Variants in NPTXR observed in about 807,000 individuals in gnomAD.
NPTXR encodes the protein neuronal pentraxin receptor.
Under a neutral mutation model 32.2 loss-of-function variants are expected in NPTXR, and 12 were observed. That is an observed-to-expected ratio of 0.37 (90% CI 0.24 to 0.60). The LOEUF (loss-of-function observed/expected upper bound fraction) is 0.60. Ranked by LOEUF, NPTXR falls within the 20% of genes least tolerant of loss-of-function variation. The pLI, the probability that NPTXR is intolerant of heterozygous loss-of-function variation, is 0.66. For synonymous variants in NPTXR, 323 were observed against 315.8 expected (o/e 1.02, Z -0.24); for missense variants, 612 against 682.9 (o/e 0.90, Z 1.16).
intron 1 of NPTXR, among the ~76,000 whole-genome samples, chr22:38,837,420 G>T (rs1254161924): frequency 1.3e-5 from 2 of 152,352 alleles, no homozygotes; most frequent in East Asian, 3.8e-4. Flanking sequence ...CTGCCAAACA[G>T]GCAGGGTCAG....
At position 38,819,164 on chromosome 22, in the gene NPTXR, G is replaced by A. The variant is rs2093092604; in HGVS notation, c.*3445C>T. 6.6e-6 allele frequency: 1 copy of A among 152,280 alleles called. No individual in the cohort carries two copies. Among genetic ancestry groups the A allele is most frequent in the Non-Finnish European group, 1.5e-5 (1 of 68,064 alleles). The allele number at this position is 152,280 out of a possible 1,614,324, so 9.4% of individuals were successfully genotyped here. Reference sequence around the variant, plus strand: ...GGAAGATCTGGCAGATAACAGCTGGGAAGCAACTGGTGCAGGGCTTGGCCC... The same window carrying A: ...GGAAGATCTGGCAGATAACAGCTGGAAAGCAACTGGTGCAGGGCTTGGCCC... On this transcript the variant is annotated 3_prime_UTR_variant, in exon 5 of 5. Coordinates refer to ENST00000333039, the MANE Select transcript of NPTXR (RefSeq NM_014293.4).
chr22:38,833,937 C>T (rs1961935), intron 1 of NPTXR, among the ~76,000 whole-genome samples: 102,499 of 152,080 alleles, frequency 0.67, 35,732 homozygotes, highest in East Asian at 0.85. Flanking sequence ...TGATTGGAAA[C>T]GTTTGGTTCT....
Position 38,833,591 on chromosome 22 carries a change from G to A in NPTXR, c.625-5079C>T, listed in dbSNP as rs189078512. Reference sequence around the variant, plus strand: ...TTGACTGAGTTCATAGACAGAAAGCGCTTAGTGCGCGGTAGGCATAGGAAG... The same window carrying A: ...TTGACTGAGTTCATAGACAGAAAGCACTTAGTGCGCGGTAGGCATAGGAAG... On this transcript the variant is annotated intron_variant, in intron 1 of 4. Coordinates refer to ENST00000333039, the MANE Select transcript of NPTXR (RefSeq NM_014293.4). 9.7e-4 allele frequency among the ~76,000 whole-genome samples: 148 copies of A among 152,214 alleles called. 1 individual carries two copies. The highest frequency in any genetic ancestry group is 2.9e-3 in the Admixed American group (44 of 15,302).
At position 38,843,380 on chromosome 22, in the gene NPTXR, C is replaced by T. The variant is rs1293413898; in HGVS notation, c.479G>A (p.Arg160His). ...GCCGCGCGGCAGGCCGCTCTCGCAG[C>T]GGCCCAGCTTGCCGGTGAGCTCACG... Residue 160 changes from arginine to histidine, a missense_variant, in exon 1 of 5, where the codon CGC (arginine) becomes CAC (histidine). By Grantham distance (29) the Arg-to-His change is conservative. Coordinates refer to ENST00000333039, the MANE Select transcript of NPTXR (RefSeq NM_014293.4). The surrounding 1 kb of genome is among the most constrained non-coding windows in gnomAD (Gnocchi z 5.3). 5.7e-6 allele frequency: 8 copies of T among 1,409,006 alleles called. No homozygotes were observed. The highest frequency in any genetic ancestry group is 3.4e-5 in the Admixed American group (1 of 29,618). 87.3% of individuals were successfully genotyped at this position (1,409,006 alleles called of 1,614,324 possible). A position where few individuals can be genotyped will look rare whatever the true frequency, so the allele number is the denominator to read the frequency against.
chr22:38,843,199 A>C lies in NPTXR; in HGVS notation c.624+36T>G. 7.8e-7 allele frequency: 1 copy of C among 1,287,402 alleles called. No homozygotes were observed. The highest frequency in any genetic ancestry group is 9.8e-7 in the Non-Finnish European group (1 of 1,020,992). The allele number at this position is 1,287,402 out of a possible 1,614,324, so 79.7% of individuals were successfully genotyped here. ...CCGCGGCCGGGCGGCCCCTCACACC[A>C]CCCGGGCGGCTCCCCCGACGGCGCG... is the stretch of plus-strand genomic sequence containing the variant. On this transcript the variant is annotated intron_variant, in intron 1 of 4. Coordinates refer to ENST00000333039, the MANE Select transcript of NPTXR (RefSeq NM_014293.4). The surrounding 1 kb of genome is among the most constrained non-coding windows in gnomAD (Gnocchi z 5.3).
intron 1 of NPTXR, among the ~76,000 whole-genome samples, chr22:38,829,018 G>A (rs774213202): frequency 2.9e-4 from 44 of 152,238 alleles, no homozygotes; most frequent in Non-Finnish European, 5.6e-4. Flanking sequence ...TCTGGAGCAG[G>A]GCCCCGGTGG....
At chr22:38,836,903 C>A (rs6001253) in intron 1 of NPTXR, among the ~76,000 whole-genome samples, 85,131 of 151,876 alleles carry the variant, frequency 0.56, 24,109 homozygotes, top group East Asian at 0.77. Flanking sequence ...CAACCTCAGC[C>A]TCCCAGGTTC....
chr22:38,833,517 A>T (rs1229762459), intron 1 of NPTXR, among the ~76,000 whole-genome samples: 1 of 152,230 alleles, frequency 6.6e-6, no homozygotes, highest in Admixed American at 6.5e-5. Flanking sequence ...CAGTTTCCCC[A>T]TTGGCCCCAA....
chr22:38,831,780 G>A (rs989948489), intron 1 of NPTXR, among the ~76,000 whole-genome samples: 3 of 152,172 alleles, frequency 2.0e-5, no homozygotes, highest in Non-Finnish European at 4.4e-5. Context: ...GAGGCCAGAG[G>A]GGCATGCGGG....
rs538894057 is a variant in NPTXR, at chr22:38,838,668, G to A, written c.624+4567C>T. Among the ~76,000 whole-genome samples, 9 of 146,912 alleles carry A rather than the reference G, an allele frequency of 6.1e-5. No homozygotes were observed. The East Asian group carries it at 1.0e-3, about 17-fold the overall frequency. On this transcript the variant is annotated intron_variant, in intron 1 of 4. Transcript: ENST00000333039. ...AAGATCTCGGCTCACTGCAAGCTCC[G>A]CGTCCCGGGTTCACGTCATTCTCCT...
chr22:38,829,472 C>T (rs1308521858), intron 1 of NPTXR, among the ~76,000 whole-genome samples: 1 of 152,176 alleles, frequency 6.6e-6, no homozygotes, highest in Non-Finnish European at 1.5e-5. Flanking sequence ...CCAGACTCTT[C>T]AAGGGGACAG....
Position 38,843,553 on chromosome 22 carries a change from G to A in NPTXR, c.306C>T (p.Ala102=). ...CCCCCTGCTGGGCCCCCGACGGGCA[G>A]GCAGCAGCCAGCGGCGTGCACAGGA... The change falls in exon 1 of 5, where the codon GCC becomes GCT. Residue 102 remains alanine (A), a synonymous_variant. Coordinates refer to ENST00000333039, the MANE Select transcript of NPTXR (RefSeq NM_014293.4). This position sits in a 1 kb window ranked among gnomAD's most constrained non-coding sequence, Gnocchi z 5.3. 5.6e-6 allele frequency: 7 copies of A among 1,240,670 alleles called. No homozygotes were observed. The highest frequency in any genetic ancestry group is 7.0e-6 in the Non-Finnish European group (7 of 993,586). 76.9% of individuals were successfully genotyped at this position (1,240,670 alleles called of 1,614,324 possible). A position where few individuals can be genotyped will look rare whatever the true frequency, so the allele number is the denominator to read the frequency against.
rs2093107735 is a variant in NPTXR, at chr22:38,826,749, T to C, written c.851-2A>G. 2 of 1,610,438 alleles carry C rather than the reference T, an allele frequency of 1.2e-6. No individual in the cohort carries two copies. Among genetic ancestry groups the C allele is most frequent in the African/African-American group, 1.3e-5 (1 of 74,980 alleles). On this transcript the variant is annotated splice_acceptor_variant, in intron 2 of 4. Transcript: ENST00000333039. LOFTEE classifies it high-confidence loss of function. ...CTGGAGGACTGTAGGCTGAGGACCCTGAGGGTGGGCAAGGCAGACATGGTG... is the reference window on the plus strand; with the variant it reads ...CTGGAGGACTGTAGGCTGAGGACCCCGAGGGTGGGCAAGGCAGACATGGTG...
chr22:38,825,547 T>C (rs1369055670), intron 3 of NPTXR, among the ~76,000 whole-genome samples: 2 of 152,156 alleles, frequency 1.3e-5, no homozygotes, highest in Non-Finnish European at 2.9e-5. Flanking sequence ...AAGCCACTTC[T>C]CACTACAACC....
intron 1 of NPTXR, among the ~76,000 whole-genome samples, chr22:38,831,234 C>T (rs1296179382): frequency 6.6e-6 from 1 of 152,160 alleles, no homozygotes; most frequent in African/African-American, 2.4e-5. Context: ...TGGCGAAACC[C>T]CATCTCTACA....
intron 3 of NPTXR, 132 bp downstream of exon 3, chr22:38,826,368 G>A (rs544263182): frequency 4.8e-4 from 536 of 1,114,406 alleles, no homozygotes; most frequent in Admixed American, 1.9e-3. Context: ...CCTAGCACAC[G>A]GTAGGTACTT....
intron 1 of NPTXR, among the ~76,000 whole-genome samples, chr22:38,841,391 G>C (rs1353835543): frequency 6.6e-6 from 1 of 152,248 alleles, no homozygotes; most frequent in East Asian, 1.9e-4. Flanking sequence ...CAACCTCAGC[G>C]GGCTAACCGG....
intron 1 of NPTXR, among the ~76,000 whole-genome samples, chr22:38,838,727 G>A (rs1427967578): frequency 1.3e-5 from 2 of 151,976 alleles, no homozygotes; most frequent in Admixed American, 6.5e-5. Flanking sequence ...GACTACAGGT[G>A]CCCGCCACCA....
At position 38,843,213 on chromosome 22, in the gene NPTXR, C is replaced by A; in HGVS notation, c.624+22G>T. 7.7e-7 allele frequency: 1 copy of A among 1,303,224 alleles called. No homozygotes were observed. The highest frequency in any genetic ancestry group is 2.3e-5 in the South Asian group (1 of 44,176). The allele number at this position is 1,303,224 out of a possible 1,614,324, so 80.7% of individuals were successfully genotyped here. ...CCCCTCACACCACCCGGGCGGCTCC[C>A]CCGACGGCGCGCGGCGCTCACCTCC... On this transcript the variant is annotated intron_variant, in intron 1 of 4. Coordinates refer to ENST00000333039, the MANE Select transcript of NPTXR (RefSeq NM_014293.4). This position sits in a 1 kb window ranked among gnomAD's most constrained non-coding sequence, Gnocchi z 5.3.
Sources: allele counts gnomAD v4.1 joint callset (sites outside exome capture counted in the v4.1 genomes callset), GRCh38; gene constraint gnomAD v4.1.1; non-coding constraint Gnocchi (gnomAD v3.1); transcripts MANE v1.5; gene names NCBI Gene and HGNC (gene_info 2026-07-23, HGNC 2026-07-21).